Variants in GPC6 observed in about 807,000 individuals in gnomAD.
GPC6 encodes the protein glypican-6.
A neutral mutation model predicts 55.2 loss-of-function variants in GPC6; 14 were observed. That is an observed-to-expected ratio of 0.25 (90% CI 0.17 to 0.40). GPC6 has a LOEUF of 0.40. Among genes scored for constraint, GPC6 ranks in the 10% least tolerant of loss-of-function variants. GPC6 has a pLI of 1.00. For synonymous variants in GPC6, 278 were observed against 259.6 expected (o/e 1.07, Z -0.68); for missense variants, 641 against 708.5 (o/e 0.90, Z 1.08).
chr13:93,994,144 A>G (rs1377572342), intron 3 of GPC6, among the ~76,000 whole-genome samples: 3 of 152,096 alleles, frequency 2.0e-5, no homozygotes, highest in Non-Finnish European at 4.4e-5. Flanking sequence ...ATAAATTATA[A>G]TTTTTTCACA....
At chr13:94,061,851 C>A (rs138140461) in intron 4 of GPC6, among the ~76,000 whole-genome samples, 4 of 151,258 alleles carry the variant, frequency 2.6e-5, no homozygotes, top group Non-Finnish European at 5.9e-5. Context: ...AGGTCTACTA[C>A]AAGAAACCTA....
At chr13:93,999,709 A>G (rs1162586778) in intron 3 of GPC6, among the ~76,000 whole-genome samples, 2 of 152,122 alleles carry the variant, frequency 1.3e-5, no homozygotes, top group African/African-American at 4.8e-5. Flanking sequence ...TTGATTTCAT[A>G]TCTTGGCTAT....
rs149562591 is a variant in GPC6, at chr13:93,858,570, T to C, written c.711+28025T>C. On this transcript the variant is annotated intron_variant, in intron 3 of 8. Transcript: ENST00000377047. ...GAAATGGACAAATCAGCAAAGACGA[T>C]TGAGGAAAAGAACCAATGAGACAGA... 1.9e-4 allele frequency among the ~76,000 whole-genome samples: 29 copies of C among 151,338 alleles called. 1 individual carries two copies. The highest frequency in any genetic ancestry group is 7.0e-4 in the African/African-American group (29 of 41,334).
At chr13:93,411,525 C>A (rs1290411186) in intron 1 of GPC6, among the ~76,000 whole-genome samples, 1 of 152,152 alleles carries the variant, frequency 6.6e-6, no homozygotes, top group Non-Finnish European at 1.5e-5. Context: ...ACAGTGGGAG[C>A]ACAGCACATT....
At chr13:93,867,176 GC>G (rs549654591) in intron 3 of GPC6, among the ~76,000 whole-genome samples, 325 of 151,812 alleles carry the variant, frequency 2.1e-3, no homozygotes, top group African/African-American at 7.4e-3. Flanking sequence ...AAACAAGGTT[GC>G]TTATATTATG....
chr13:93,694,339 T>C (rs892553560), intron 2 of GPC6, among the ~76,000 whole-genome samples: 3 of 152,144 alleles, frequency 2.0e-5, no homozygotes, highest in Admixed American at 6.6e-5. Flanking sequence ...GGGTGAGAAA[T>C]TGGTTGTTGA....
intron 2 of GPC6, among the ~76,000 whole-genome samples, chr13:93,696,552 T>TTA (rs1882459796): frequency 6.7e-6 from 1 of 150,274 alleles, no homozygotes. Context: ...CTTTTTTTTT[T>TTA]AAAAAACAAA....
At chr13:94,215,395 C>T (rs567556099) in intron 4 of GPC6, among the ~76,000 whole-genome samples, 4 of 152,292 alleles carry the variant, frequency 2.6e-5, no homozygotes, top group South Asian at 2.1e-4. Context: ...AGCAGACACA[C>T]TTGCCCTAAA....
At chr13:94,164,075 T>A (rs1888263783) in intron 4 of GPC6, among the ~76,000 whole-genome samples, 1 of 152,130 alleles carries the variant, frequency 6.6e-6, no homozygotes, top group Admixed American at 6.6e-5. Context: ...AATAAAGCAC[T>A]TACAAGACTT....
At chr13:93,810,019 A>G (rs1886649857) in intron 2 of GPC6, among the ~76,000 whole-genome samples, 1 of 151,962 alleles carries the variant, frequency 6.6e-6, no homozygotes, top group South Asian at 2.1e-4. Context: ...TTTCTCAGAC[A>G]CCCATCCAAA....
At chr13:93,321,838 C>A (rs192320013) in intron 1 of GPC6, among the ~76,000 whole-genome samples, 1 of 152,254 alleles carries the variant, frequency 6.6e-6, no homozygotes, top group Admixed American at 6.5e-5. Flanking sequence ...CAGCCCATTT[C>A]AACATCTAGT....
chr13:93,600,961 A>G (rs1372534195), intron 2 of GPC6, among the ~76,000 whole-genome samples: 1 of 150,286 alleles, frequency 6.7e-6, no homozygotes, highest in Non-Finnish European at 1.5e-5. Flanking sequence ...AAAAAAAAAA[A>G]AAAAAGAAAA....
chr13:94,015,282 T>C (rs1232418441), intron 3 of GPC6, among the ~76,000 whole-genome samples: 1 of 152,206 alleles, frequency 6.6e-6, no homozygotes, highest in Non-Finnish European at 1.5e-5. Context: ...TAATAATTAA[T>C]GATGTTGAGC....
intron 3 of GPC6, among the ~76,000 whole-genome samples, chr13:93,849,040 G>A (rs1439972348): frequency 6.6e-6 from 1 of 151,990 alleles, no homozygotes. Flanking sequence ...TTTTCACATT[G>A]TACCATACAG....
chr13:94,081,315 A>G (rs942493897), intron 4 of GPC6, among the ~76,000 whole-genome samples: 3 of 152,014 alleles, frequency 2.0e-5, no homozygotes, highest in Non-Finnish European at 4.4e-5. Flanking sequence ...ATCCTAAACT[A>G]TTTTTTTACC....
At chr13:93,990,581 G>A (rs1227897873) in intron 3 of GPC6, among the ~76,000 whole-genome samples, 1 of 152,086 alleles carries the variant, frequency 6.6e-6, no homozygotes, top group African/African-American at 2.4e-5. Context: ...GTTGGGCTGG[G>A]TACAGTGGCT....
intron 4 of GPC6, among the ~76,000 whole-genome samples, chr13:94,129,402 A>T (rs1886936164): frequency 6.6e-6 from 1 of 152,036 alleles, no homozygotes; most frequent in Non-Finnish European, 1.5e-5. Context: ...GGACTTATGG[A>T]AGACCTGTCC....
At chr13:93,238,323 T>G (rs377706642) in intron 1 of GPC6, among the ~76,000 whole-genome samples, 1 of 152,098 alleles carries the variant, frequency 6.6e-6, no homozygotes, top group South Asian at 2.1e-4. Flanking sequence ...AATAAAAATT[T>G]TATTGTTTTG....
intron 2 of GPC6, among the ~76,000 whole-genome samples, chr13:93,710,587 G>A (rs139478450): frequency 0.011 from 1,630 of 151,632 alleles, 17 homozygotes; most frequent in Non-Finnish European, 0.017. Context: ...TCTGTCCACT[G>A]GCTCCTATAA....
Sources: allele counts gnomAD v4.1 joint callset (sites outside exome capture counted in the v4.1 genomes callset), GRCh38; gene constraint gnomAD v4.1.1; transcripts MANE v1.5; gene names NCBI Gene and HGNC (gene_info 2026-07-23, HGNC 2026-07-21).